The following PDE8B variants were observed in gnomAD, a reference collection of about 807,000 sequenced individuals.
PDE8B encodes phosphodiesterase 8B, also known as high affinity cAMP-specific and IBMX-insensitive 3',5'-cyclic phosphodiesterase 8B.
In PDE8B, 26 loss-of-function variants were observed where a neutral mutation model predicts 101.3. The observed-to-expected ratio is 0.26, with a 90% CI of 0.19 to 0.36. The LOEUF is 0.36. Ranked by LOEUF, PDE8B falls within the 10% of genes least tolerant of loss-of-function variation. PDE8B has a pLI of 1.00. For missense variants in PDE8B, 810 were observed against 1,163.1 expected (o/e 0.70, Z 4.42); for synonymous variants, 424 against 429.3 (o/e 0.99, Z 0.15).
Position 77,425,710 on chromosome 5 carries a change from T to G in PDE8B, c.2419-57T>G, listed in dbSNP as rs1460620167. The G allele has an allele frequency of 4.5e-6, 7 of 1,568,108 alleles. No individual in the cohort carries two copies. The African/African-American group carries it at 8.1e-5, about 18-fold the overall frequency. On this transcript the variant is annotated intron_variant, in intron 20 of 21. Coordinates refer to ENST00000264917, the MANE Select transcript of PDE8B (RefSeq NM_003719.5). Reference sequence around the variant, plus strand: ...CAGGGTTGTTCTGAGAAACAGGATATTACTGTGAAAGTGTCTCGCATGTCC... The same window carrying G: ...CAGGGTTGTTCTGAGAAACAGGATAGTACTGTGAAAGTGTCTCGCATGTCC...
At chr5:77,414,017 A>G (rs939436151) in intron 17 of PDE8B, among the ~76,000 whole-genome samples, 7 of 152,170 alleles carry the variant, frequency 4.6e-5, no homozygotes, top group Non-Finnish European at 1.0e-4. Flanking sequence ...TAGAACTAAA[A>G]CTTAAATTTT....
intron 2 of PDE8B, among the ~76,000 whole-genome samples, chr5:77,320,683 T>C (rs1046111729): frequency 2.0e-5 from 3 of 152,190 alleles, no homozygotes; most frequent in Non-Finnish European, 4.4e-5. Context: ...TTTGAACGAA[T>C]GTTGAGGATA....
chr5:77,108,226 A>G, the PDE8B span, among the ~76,000 whole-genome samples: 117,731 of 152,214 alleles, frequency 0.77, 46,264 homozygotes, highest in African/African-American at 0.92. Flanking sequence ...TAATATTTTT[A>G]TTTGGTAAGG....
In PDE8B at chr5:77,427,666, TATTA is replaced by T. The variant is rs1351603862; in HGVS notation, c.*1116_*1119del. 1 of 152,188 alleles carries T rather than the reference TATTA, an allele frequency of 6.6e-6. No homozygotes were observed. The highest frequency in any genetic ancestry group is 1.5e-5 in the Non-Finnish European group (1 of 68,034). The allele number at this position is 152,188 out of a possible 1,614,324, so 9.4% of individuals were successfully genotyped here. On this transcript the variant is annotated 3_prime_UTR_variant, in exon 22 of 22. Transcript: ENST00000264917. ...GGAGGCAGTAAATACTATTTTAAGC[TATTA>T]ATTGTATGCTAAAAGCTTCTAAAGC...
At chr5:77,239,962 G>A (rs1755415741) in intron 1 of PDE8B, among the ~76,000 whole-genome samples, 1 of 152,024 alleles carries the variant, frequency 6.6e-6, no homozygotes, top group South Asian at 2.1e-4. Flanking sequence ...CTAACCCTTC[G>A]ACGTCAGTCT....
At chr5:77,192,895 C>G in the PDE8B span, among the ~76,000 whole-genome samples, 25 of 152,254 alleles carry the variant, frequency 1.6e-4, 1 homozygote, top group East Asian at 4.8e-3. Context: ...ATGCTGGTAT[C>G]TCATTGTGGT....
intron 1 of PDE8B, among the ~76,000 whole-genome samples, chr5:77,248,367 A>G (rs76748073): frequency 6.6e-6 from 1 of 152,326 alleles, no homozygotes; most frequent in African/African-American, 2.4e-5. Context: ...GATGGGAAGC[A>G]AAGGAGAGAG....
chr5:77,316,022 A>G (rs371789737), intron 2 of PDE8B, among the ~76,000 whole-genome samples: 32 of 151,958 alleles, frequency 2.1e-4, no homozygotes, highest in African/African-American at 7.0e-4. Context: ...ATCTGTTTCT[A>G]TAATCTTTGT....
chr5:77,407,858 C>T (rs755734985), intron 13 of PDE8B, among the ~76,000 whole-genome samples: 6 of 152,102 alleles, frequency 3.9e-5, no homozygotes, highest in Non-Finnish European at 5.9e-5. Flanking sequence ...GAAAGAAAGT[C>T]GGAGTGGCCG....
chr5:77,200,208 T>G, the PDE8B span, among the ~76,000 whole-genome samples: 5,272 of 152,130 alleles, frequency 0.035, 135 homozygotes, highest in East Asian at 0.11. Flanking sequence ...TCTCACAAAT[T>G]TATTTGGAAT....
chr5:77,258,117 C>T (rs1248923171), intron 1 of PDE8B, among the ~76,000 whole-genome samples: 1 of 151,648 alleles, frequency 6.6e-6, no homozygotes, highest in African/African-American at 2.4e-5. Context: ...GGTGACACCC[C>T]GTCTCCACTA....
chr5:77,164,546 A>G, the PDE8B span, among the ~76,000 whole-genome samples: 4 of 152,210 alleles, frequency 2.6e-5, no homozygotes, highest in Non-Finnish European at 5.9e-5. Flanking sequence ...GTCAAGATCT[A>G]CAGAACCACT....
At chr5:77,129,467 A>G in the PDE8B span, among the ~76,000 whole-genome samples, 71 of 152,132 alleles carry the variant, frequency 4.7e-4, no homozygotes, top group African/African-American at 1.7e-3. Context: ...TTCCTGTCAC[A>G]TATTGAATGA....
chr5:77,346,588 A>G (rs1780195606), intron 7 of PDE8B, among the ~76,000 whole-genome samples: 2 of 152,192 alleles, frequency 1.3e-5, no homozygotes, highest in Admixed American at 1.3e-4. Flanking sequence ...GTGTCACATT[A>G]TGATATTAAT....
intron 10 of PDE8B, among the ~76,000 whole-genome samples, chr5:77,380,881 G>A (rs1331877322): frequency 6.6e-6 from 1 of 152,200 alleles, no homozygotes; most frequent in African/African-American, 2.4e-5. Flanking sequence ...GGGTTCCCTT[G>A]GAAATCGTGT....
the PDE8B span, chr5:77,115,225 A>C: frequency 6.6e-6 from 1 of 152,208 alleles, no homozygotes; most frequent in African/African-American, 2.4e-5. Context: ...TTTGAATATT[A>C]GTTTACCCCC....
intron 10 of PDE8B, among the ~76,000 whole-genome samples, chr5:77,372,406 G>T (rs1019194340): frequency 6.6e-6 from 1 of 152,076 alleles, no homozygotes; most frequent in Non-Finnish European, 1.5e-5. Context: ...TCTTCATCAG[G>T]GTTTGTATAT....
intron 2 of PDE8B, among the ~76,000 whole-genome samples, chr5:77,319,175 C>G (rs996338659): frequency 3.9e-5 from 6 of 152,186 alleles, no homozygotes; most frequent in African/African-American, 1.4e-4. Flanking sequence ...TTAGATAACA[C>G]CAGACCCCCA....
At chr5:77,254,291 G>A (rs1031240442) in intron 1 of PDE8B, among the ~76,000 whole-genome samples, 2 of 151,814 alleles carry the variant, frequency 1.3e-5, no homozygotes, top group African/African-American at 2.4e-5. Flanking sequence ...CATTATGCTC[G>A]GAAAAGAACT....
Sources: allele counts gnomAD v4.1 joint callset (sites outside exome capture counted in the v4.1 genomes callset), GRCh38; gene constraint gnomAD v4.1.1; transcripts MANE v1.5; gene names NCBI Gene and HGNC (gene_info 2026-07-23, HGNC 2026-07-21).